Variants in PLAT observed in about 807,000 individuals in gnomAD.
PLAT encodes tissue-type plasminogen activator.
Under a neutral mutation model 74.9 loss-of-function variants are expected in PLAT, and 48 were observed. That is an observed-to-expected ratio of 0.64 (90% CI 0.51 to 0.82). The LOEUF (loss-of-function observed/expected upper bound fraction) is 0.82, where lower values mean the gene tolerates loss of function less well. PLAT is among the 40% of genes least tolerant of loss of function. The probability of loss-of-function intolerance (pLI) is 0.00; values close to 1 mark genes in which losing one functional copy is unlikely to be tolerated. For missense variants in PLAT, 673 were observed against 736.2 expected (o/e 0.91, Z 0.99); for synonymous variants, 307 against 294.4 (o/e 1.04, Z -0.44).
intron 9 of PLAT, among the ~76,000 whole-genome samples, chr8:42,181,129 A>G (rs1805223243): frequency 6.6e-6 from 1 of 152,176 alleles, no homozygotes; most frequent in South Asian, 2.1e-4. Context: ...CTCAGCTCTG[A>G]GGAGCTTAGG....
chr8:42,192,002 CTTT>C (rs1177070988), intron 2 of PLAT, among the ~76,000 whole-genome samples: 7 of 127,120 alleles, frequency 5.5e-5, no homozygotes, highest in Admixed American at 8.1e-5. Flanking sequence ...TTGCCTTTTT[CTTT>C]TTTTTTTTTT....
At chr8:42,178,694 G>A (rs1023181011) in intron 13 of PLAT, among the ~76,000 whole-genome samples, 2 of 152,238 alleles carry the variant, frequency 1.3e-5, no homozygotes, top group Admixed American at 6.5e-5. Flanking sequence ...ATTTCCTGCA[G>A]TTTAGAATTC....
intron 1 of PLAT, among the ~76,000 whole-genome samples, chr8:42,206,924 A>G (rs376090827): frequency 6.6e-6 from 1 of 152,296 alleles, no homozygotes. Context: ...GGGAGATCAG[A>G]GGCATTTCTC....
chr8:42,181,801 G>GCCCCCCCCCCCCCCCCCCCCC, intron 9 of PLAT, 136 bp downstream of exon 9: 1 of 297,712 alleles, frequency 3.4e-6, no homozygotes, highest in Non-Finnish European at 6.6e-6. Context: ...AGTCATGGAA[G>GCCCCCCCCCCCCCCCCCCCCC]CCCCCTCCCC....
Position 42,176,161 on chromosome 8 carries a change from A to G in PLAT, c.1531-10T>C, listed in dbSNP as rs772692972. 7 of 1,609,516 alleles carry G rather than the reference A, an allele frequency of 4.3e-6. No homozygotes were observed. Among genetic ancestry groups the G allele is most frequent in the Non-Finnish European group, 5.9e-6 (7 of 1,177,024 alleles). On this transcript the variant is annotated splice_polypyrimidine_tract_variant and intron_variant, in intron 13 of 13. Transcript: ENST00000220809. ...GGCCTCCCGAATCGCCCTGCAAAGG[A>G]GATAGCAGGTTTGGCGTTTGCAAAA...
intron 1 of PLAT, chr8:42,195,658 C>G (rs1805878937): frequency 6.6e-6 from 1 of 152,218 alleles, no homozygotes; most frequent in African/African-American, 2.4e-5. Context: ...TCCAGATCTT[C>G]TCTTTCTCAG....
intron 5 of PLAT, 50 bp downstream of exon 5, chr8:42,187,856 G>T: frequency 8.1e-7 from 1 of 1,234,984 alleles, no homozygotes; most frequent in Non-Finnish European, 1.2e-6. Flanking sequence ...GGGCGGGGGA[G>T]ACTGGAGAGG....
chr8:42,177,220 G>A (rs1805008762), intron 13 of PLAT, among the ~76,000 whole-genome samples: 1 of 152,240 alleles, frequency 6.6e-6, no homozygotes, highest in Non-Finnish European at 1.5e-5. Context: ...GCCTCTCAAA[G>A]TGCTGGGATT....
intron 4 of PLAT, 57 bp from the exon 5 acceptor site, chr8:42,188,073 C>A: frequency 1.9e-6 from 2 of 1,075,012 alleles, no homozygotes; most frequent in South Asian, 1.3e-5. Flanking sequence ...GTGCTCAGGC[C>A]ATGGTTCCAG....
At position 42,188,965 on chromosome 8, in the gene PLAT, G is replaced by C; in HGVS notation, c.222C>G (p.Gly74=). The C allele has an allele frequency of 6.2e-7, 1 of 1,613,920 alleles. No individual in the cohort carries two copies. Among genetic ancestry groups the C allele is most frequent in the Non-Finnish European group, 8.5e-7 (1 of 1,179,932 alleles). Reference sequence around the variant, plus strand: ...CAGGCACTGAGTGGCACTGTGCCCTGCCACTGTTGCACCAGCAATATTCCA... The same window carrying C: ...CAGGCACTGAGTGGCACTGTGCCCTCCCACTGTTGCACCAGCAATATTCCA... The part of the protein sequence containing the change: ...NRVEYCWCNS[G]RAQCHSVPVK... Residue 74 remains glycine, a synonymous_variant, in exon 4 of 14, where the codon GGC becomes GGG. Transcript: ENST00000220809.
chr8:42,205,644 C>G lies in PLAT; in HGVS notation c.-27+1850G>C, dbSNP rs1466974706. On this transcript the variant is annotated intron_variant, in intron 1 of 13. Transcript: ENST00000220809. ...CTGACAAAGACTCAGAAGAATGAAG[C>G]CTTCTCTTATCTACCTATGACCTGG... is the stretch of plus-strand genomic sequence containing the variant. 2.0e-5 allele frequency among the ~76,000 whole-genome samples: 3 copies of G among 152,306 alleles called. No individual in the cohort carries two copies. In the East Asian group the frequency reaches 5.8e-4, roughly 29 times the overall value.
At chr8:42,178,624 A>G (rs149387382) in intron 13 of PLAT, among the ~76,000 whole-genome samples, 7 of 152,276 alleles carry the variant, frequency 4.6e-5, no homozygotes, top group East Asian at 3.9e-4. Flanking sequence ...TAGTCAATCA[A>G]TTGCCTGGGC....
Position 42,175,858 on chromosome 8 carries a change from C to T in PLAT, c.*135G>A. ...TCTGGGAAAATGCACTCTTCCCTCT[C>T]CTGTAGGGTCTCGTCCCGCTTCTGC... On this transcript the variant is annotated 3_prime_UTR_variant, in exon 14 of 14. Transcript: ENST00000220809. 1.3e-6 allele frequency: 1 copy of T among 784,390 alleles called. No homozygotes were observed. Among genetic ancestry groups the T allele is most frequent in the Non-Finnish European group, 2.1e-6 (1 of 483,302 alleles). 48.6% of individuals were successfully genotyped at this position (784,390 alleles called of 1,614,324 possible).
In PLAT at chr8:42,187,576, A is replaced by ACAGAGAGCAGGGCATGGATGC; in HGVS notation, c.365-25_365-5dup. 2.5e-6 allele frequency: 4 copies of ACAGAGAGCAGGGCATGGATGC among 1,588,528 alleles called. No individual in the cohort carries two copies. Among genetic ancestry groups the ACAGAGAGCAGGGCATGGATGC allele is most frequent in the Non-Finnish European group, 3.4e-6 (4 of 1,163,816 alleles). ...TCGTAGCACGTGGCCCTGGTATCTG[A>ACAGAGAGCAGGGCATGGATGC]CAGAGAGCAGGGCATGGATGCCTCA... On this transcript the variant is annotated splice_polypyrimidine_tract_variant and splice_region_variant and intron_variant, in intron 5 of 13. Coordinates refer to ENST00000220809, the MANE Select transcript of PLAT (RefSeq NM_000930.5).
At chr8:42,183,085 T>C (rs551136799) in intron 7 of PLAT, among the ~76,000 whole-genome samples, 195 bp from the exon 8 acceptor site, 24 of 152,124 alleles carry the variant, frequency 1.6e-4, no homozygotes, top group African/African-American at 5.5e-4. Context: ...CTCACTGCAA[T>C]CTCCACCTCC....
chr8:42,181,906 T>A (rs1222430251), intron 9 of PLAT, 31 bp downstream of exon 9: 1 of 1,328,748 alleles, frequency 7.5e-7, no homozygotes. Flanking sequence ...GGAGACCAGG[T>A]GCAGGGAGGC....
At chr8:42,199,326 G>A (rs1806039271) in intron 1 of PLAT, among the ~76,000 whole-genome samples, 2 of 152,152 alleles carry the variant, frequency 1.3e-5, no homozygotes, top group South Asian at 4.1e-4. Flanking sequence ...TCCTCTCAGA[G>A]CTGGGTGTGG....
At chr8:42,195,164 C>T (rs1805858287) in intron 1 of PLAT, among the ~76,000 whole-genome samples, 1 of 147,202 alleles carries the variant, frequency 6.8e-6, no homozygotes, top group Non-Finnish European at 1.5e-5. Flanking sequence ...ACAGGGGCTT[C>T]CAGGCCTTGC....
intron 13 of PLAT, 32 bp from the exon 14 acceptor site, chr8:42,176,183 A>C: frequency 6.3e-7 from 1 of 1,580,044 alleles, no homozygotes; most frequent in Non-Finnish European, 8.6e-7. Flanking sequence ...TGGCGTTTGC[A>C]AAAAAAGCAG....
Sources: allele counts gnomAD v4.1 joint callset (sites outside exome capture counted in the v4.1 genomes callset), GRCh38; gene constraint gnomAD v4.1.1; transcripts MANE v1.5; gene names NCBI Gene and HGNC (gene_info 2026-07-23, HGNC 2026-07-21).